CHAF1B: variants seen among roughly 807,000 people sequenced by gnomAD.
The protein encoded by CHAF1B is chromatin assembly factor 1 subunit B.
In CHAF1B, 10 loss-of-function variants were observed where a neutral mutation model predicts 60.7. The observed-to-expected ratio is 0.16, with a 90% CI of 0.10 to 0.28. The LOEUF is 0.28. CHAF1B is among the 10% of genes least tolerant of loss of function. The probability of loss-of-function intolerance (pLI) is 1.00; values close to 1 mark genes in which losing one functional copy is unlikely to be tolerated. For synonymous variants in CHAF1B, 261 were observed against 266.1 expected (o/e 0.98, Z 0.19); for missense variants, 558 against 708.4 (o/e 0.79, Z 2.41).
chr21:36,402,494 A>G (rs945315501), intron 7 of CHAF1B, among the ~76,000 whole-genome samples: 1 of 152,226 alleles, frequency 6.6e-6, no homozygotes, highest in Non-Finnish European at 1.5e-5. Flanking sequence ...ACATATATAC[A>G]TATAGCTTTA....
intron 4 of CHAF1B, among the ~76,000 whole-genome samples, chr21:36,393,553 G>A (rs1296193863): frequency 6.7e-6 from 1 of 149,588 alleles, no homozygotes; most frequent in African/African-American, 2.5e-5. Flanking sequence ...CTGGGTTCAA[G>A]CGATTCTCCT....
intron 7 of CHAF1B, 79 bp downstream of exon 7, chr21:36,399,684 G>C: frequency 1.7e-6 from 2 of 1,162,552 alleles, no homozygotes; most frequent in Non-Finnish European, 2.6e-6. Flanking sequence ...CCATACCCTT[G>C]CAGCCAAATC....
At position 36,407,418 on chromosome 21, in the gene CHAF1B, C is replaced by T. The variant is rs74510795; in HGVS notation, c.758-1343C>T. Among the ~76,000 whole-genome samples the T allele has an allele frequency of 5.9e-5, 9 of 151,972 alleles. No homozygotes were observed. The East Asian group carries it at 1.5e-3, about 26-fold the overall frequency. On this transcript the variant is annotated intron_variant, in intron 8 of 13. Transcript: ENST00000314103. ...ACAGAGGCTGGGTGAATGAATCTTG[C>T]AGTAAATATTATGCAGCTACAAAAA... is the stretch of plus-strand genomic sequence containing the variant.
chr21:36,416,568 A>G lies in CHAF1B; in HGVS notation c.*202A>G, dbSNP rs562769843. Reference sequence around the variant, plus strand: ...TCAGTATCCATTTTTAACTTGGGACATGAACGTTTTAACGTAGTAAATCCT... The same window carrying G: ...TCAGTATCCATTTTTAACTTGGGACGTGAACGTTTTAACGTAGTAAATCCT... On this transcript the variant is annotated 3_prime_UTR_variant, in exon 14 of 14. Coordinates refer to ENST00000314103, the MANE Select transcript of CHAF1B (RefSeq NM_005441.3). 14 of 461,432 alleles carry G rather than the reference A, an allele frequency of 3.0e-5. No individual in the cohort carries two copies. Among genetic ancestry groups the G allele is most frequent in the African/African-American group, 1.5e-4 (8 of 52,192 alleles). 28.6% of individuals were successfully genotyped at this position (461,432 alleles called of 1,614,324 possible).
chr21:36,386,273 G>T lies in CHAF1B; in HGVS notation c.126+11G>T, dbSNP rs758301606. ...GACACCAATGTCAGGGTAAACTGGG[G>T]CAGAGATAGACATCCGGGAACACTG... On this transcript the variant is annotated intron_variant, in intron 2 of 13. Transcript: ENST00000314103. The T allele has an allele frequency of 3.7e-6, 6 of 1,613,192 alleles. No homozygotes were observed. In the South Asian group the frequency reaches 6.6e-5, roughly 18 times the overall value.
chr21:36,389,328 C>T (rs920433347), intron 3 of CHAF1B, among the ~76,000 whole-genome samples: 25 of 152,066 alleles, frequency 1.6e-4, no homozygotes, highest in African/African-American at 4.6e-4. Context: ...CCAGGCTGGG[C>T]GCGGTCGCTC....
At chr21:36,396,714 G>T (rs1299610265) in intron 5 of CHAF1B, among the ~76,000 whole-genome samples, 1 of 151,162 alleles carries the variant, frequency 6.6e-6, no homozygotes, top group African/African-American at 2.4e-5. Context: ...GTCTTTTTAT[G>T]CAGGCGATCT....
chr21:36,406,235 G>A (rs184746570), intron 8 of CHAF1B, among the ~76,000 whole-genome samples: 9 of 152,288 alleles, frequency 5.9e-5, no homozygotes, highest in African/African-American at 1.9e-4. Flanking sequence ...AAGGCAGATA[G>A]GACAAGAGTA....
intron 8 of CHAF1B, among the ~76,000 whole-genome samples, chr21:36,405,680 C>T (rs765540008): frequency 6.6e-6 from 1 of 152,220 alleles, no homozygotes; most frequent in Non-Finnish European, 1.5e-5. Context: ...CCCCTTCCGC[C>T]TCGGCCTCCC....
chr21:36,411,878 A>T (rs1195423862), intron 11 of CHAF1B, among the ~76,000 whole-genome samples: 1 of 151,986 alleles, frequency 6.6e-6, no homozygotes, highest in East Asian at 1.9e-4. Flanking sequence ...ACAGGTGCGC[A>T]CCACTACGCC....
chr21:36,396,095 G>A (rs1300387424), intron 5 of CHAF1B, among the ~76,000 whole-genome samples: 6 of 151,420 alleles, frequency 4.0e-5, no homozygotes, highest in African/African-American at 1.5e-4. Context: ...CTGCCTCCCG[G>A]GTTCAACAAT....
Position 36,409,378 on chromosome 21 carries a change from A to G in CHAF1B, c.832A>G (p.Ile278Val). 1.2e-6 allele frequency: 2 copies of G among 1,612,654 alleles called. No homozygotes were observed. The highest frequency in any genetic ancestry group is 8.5e-7 in the Non-Finnish European group (1 of 1,178,936). Residue 278 changes from isoleucine (I) to valine (V), a missense_variant, in exon 10 of 14, where the codon ATC becomes GTC. This residue lies in a region of CHAF1B where 325 missense variants were observed against 493.5 expected (regional missense o/e 0.66). Coordinates refer to ENST00000314103, the MANE Select transcript of CHAF1B (RefSeq NM_005441.3). ...VFSRKNLKRPIAHLPCPGKAT... is the reference protein window; with the variant it reads ...VFSRKNLKRPVAHLPCPGKAT... ...ACACTGCAATTAATCCATTAGGCCC[A>G]TCGCTCATCTTCCATGTCCTGGAAA...
intron 13 of CHAF1B, 69 bp from the exon 14 acceptor site, chr21:36,416,206 G>A: frequency 1.5e-6 from 2 of 1,356,878 alleles, no homozygotes; most frequent in Non-Finnish European, 2.1e-6. Flanking sequence ...TCTGTATTCT[G>A]TAAATGTCAG....
At chr21:36,386,021 C>T (rs2086029035) in intron 1 of CHAF1B, 39 bp from the exon 2 acceptor site, 1 of 1,303,594 alleles carries the variant, frequency 7.7e-7, no homozygotes, top group Non-Finnish European at 1.1e-6. Flanking sequence ...CTCAATAACC[C>T]TTTGCTGCTG....
Position 36,409,470 on chromosome 21 carries a change from C to T in CHAF1B, c.919+5C>T, listed in dbSNP as rs764686164. ...TGAGGCCAGTGGTGGAAACAGGTATCCTCAGAGCCTCAGGGGTGTGTTATG... is the reference window on the plus strand; with the variant it reads ...TGAGGCCAGTGGTGGAAACAGGTATTCTCAGAGCCTCAGGGGTGTGTTATG... On this transcript the variant is annotated splice_donor_5th_base_variant and intron_variant, in intron 10 of 13. Transcript: ENST00000314103. The T allele has an allele frequency of 3.7e-6, 6 of 1,603,450 alleles. No individual in the cohort carries two copies. The highest frequency in any genetic ancestry group is 5.1e-6 in the Non-Finnish European group (6 of 1,170,724).
intron 5 of CHAF1B, among the ~76,000 whole-genome samples, chr21:36,396,172 G>T (rs1196839302): frequency 6.6e-6 from 1 of 151,200 alleles, no homozygotes; most frequent in Admixed American, 6.6e-5. Context: ...GCTAATTTTT[G>T]TATTTTTAGA....
At chr21:36,412,835 G>T in intron 11 of CHAF1B, 49 bp from the exon 12 acceptor site, 1 of 1,549,918 alleles carries the variant, frequency 6.5e-7, no homozygotes, top group Non-Finnish European at 8.8e-7. Context: ...CTAAGTAGAT[G>T]TGAGAGTGTT....
chr21:36,401,439 T>C (rs1294322938), intron 7 of CHAF1B, among the ~76,000 whole-genome samples: 1 of 76,012 alleles, frequency 1.3e-5, no homozygotes, highest in Non-Finnish European at 2.2e-5. Flanking sequence ...ATTTTTATAT[T>C]ATACATAATA....
At chr21:36,403,997 T>G (rs908601989) in intron 8 of CHAF1B, among the ~76,000 whole-genome samples, 1 of 152,226 alleles carries the variant, frequency 6.6e-6, no homozygotes, top group African/African-American at 2.4e-5. Flanking sequence ...GAATGACACT[T>G]TGGCCCAAGA....
Sources: allele counts gnomAD v4.1 joint callset (sites outside exome capture counted in the v4.1 genomes callset), GRCh38; gene constraint gnomAD v4.1.1; regional missense constraint gnomAD v4.1.1; transcripts MANE v1.5; gene names NCBI Gene and HGNC (gene_info 2026-07-23, HGNC 2026-07-21).